Variants in CEP85L observed in about 807,000 individuals in gnomAD.
The protein encoded by CEP85L is centrosomal protein of 85 kDa-like.
In CEP85L, 60 loss-of-function variants were observed where a neutral mutation model predicts 100.3. That is an observed-to-expected ratio of 0.60 (90% CI 0.49 to 0.74). The LOEUF (loss-of-function observed/expected upper bound fraction) is 0.74, where lower values mean the gene tolerates loss of function less well. Ranked by LOEUF, CEP85L falls within the 30% of genes least tolerant of loss-of-function variation. The probability of loss-of-function intolerance (pLI) is 0.00; values close to 1 mark genes in which losing one functional copy is unlikely to be tolerated. For synonymous variants in CEP85L, 319 were observed against 322.7 expected, an observed-to-expected ratio of 0.99 and a Z score of 0.12; for missense variants, 973 against 936.2, an observed-to-expected ratio of 1.04 and a Z score of -0.51.
At chr6:118,553,957 G>C (rs1428267218) in intron 3 of CEP85L, among the ~76,000 whole-genome samples, 1 of 152,128 alleles carries the variant, frequency 6.6e-6, no homozygotes, top group African/African-American at 2.4e-5. Flanking sequence ...CTAACAAATT[G>C]TTATTAGAAC....
At chr6:118,614,818 G>C (rs1260750370) in intron 2 of CEP85L, among the ~76,000 whole-genome samples, 1 of 151,860 alleles carries the variant, frequency 6.6e-6, no homozygotes, top group Non-Finnish European at 1.5e-5. Context: ...TCCAGCCTGG[G>C]CAACAAGAAC....
At chr6:118,491,518 G>T in intron 6 of CEP85L, 168 bp downstream of exon 6, 1 of 1,364,522 alleles carries the variant, frequency 7.3e-7, no homozygotes, top group South Asian at 2.0e-5. Context: ...AAAATCCTTG[G>T]ATTTCTGCAG....
intron 1 of CEP85L, among the ~76,000 whole-genome samples, chr6:118,686,220 T>A (rs1776825395): frequency 6.6e-6 from 1 of 152,064 alleles, no homozygotes; most frequent in African/African-American, 2.4e-5. Flanking sequence ...AGAAACAACT[T>A]TATTGACGTA....
chr6:118,604,058 T>C (rs1388488694), intron 2 of CEP85L, among the ~76,000 whole-genome samples: 1 of 152,218 alleles, frequency 6.6e-6, no homozygotes, highest in African/African-American at 2.4e-5. Context: ...TATGCAAATA[T>C]AGTACAATGC....
At chr6:118,567,183 G>C (rs1159710430) in intron 2 of CEP85L, among the ~76,000 whole-genome samples, 1 of 147,506 alleles carries the variant, frequency 6.8e-6, no homozygotes, top group African/African-American at 2.5e-5. Flanking sequence ...ATATATGTGT[G>C]TACATATATG....
chr6:118,671,795 A>G (rs888519003), intron 1 of CEP85L, among the ~76,000 whole-genome samples: 10 of 152,062 alleles, frequency 6.6e-5, no homozygotes, highest in Non-Finnish European at 1.5e-4. Context: ...AAAATCAGTT[A>G]GGCATGGTGG....
chr6:118,705,462 A>G (rs1225316488), intron 1 of CEP85L, among the ~76,000 whole-genome samples: 1 of 152,228 alleles, frequency 6.6e-6, no homozygotes, highest in Non-Finnish European at 1.5e-5. Context: ...GGGCTCATTG[A>G]AGGGTGTTTG....
chr6:118,684,419 CA>C (rs1271254744), intron 1 of CEP85L, among the ~76,000 whole-genome samples: 3 of 152,122 alleles, frequency 2.0e-5, no homozygotes, highest in Admixed American at 6.5e-5. Context: ...ATGGCTTGAG[CA>C]ATCCTCCTAT....
chr6:118,547,101 A>G (rs572829441), intron 3 of CEP85L, among the ~76,000 whole-genome samples: 1 of 152,224 alleles, frequency 6.6e-6, no homozygotes, highest in Admixed American at 6.5e-5. Context: ...TCACTCTGTC[A>G]TAAGCATTTA....
chr6:118,498,635 AAAAGGGAGG>A (rs1268708303), intron 5 of CEP85L, among the ~76,000 whole-genome samples: 61 of 151,222 alleles, frequency 4.0e-4, no homozygotes, highest in South Asian at 2.1e-3. Context: ...AAGGAAAGGA[AAAAGGGAGG>A]AAAGGGAGGA....
chr6:118,648,583 T>C (rs1328977824), intron 1 of CEP85L, among the ~76,000 whole-genome samples: 2 of 151,260 alleles, frequency 1.3e-5, no homozygotes, highest in African/African-American at 2.4e-5. Context: ...CTACTAAAAA[T>C]ACAAAAAAAT....
Position 118,651,378 on chromosome 6 carries a change from C to A in CEP85L, c.-109G>T. The A allele has an allele frequency of 6.6e-6, 9 of 1,363,170 alleles. No homozygotes were observed. Among genetic ancestry groups the A allele is most frequent in the Non-Finnish European group, 8.5e-6 (9 of 1,059,870 alleles). 84.4% of individuals were successfully genotyped at this position (1,363,170 alleles called of 1,614,324 possible). ...GGAGCGTGGGCCTCGGCGACACGGG[C>A]AGGAGGAAAGGCGGGATGGCTGGTT... On this transcript the variant is annotated 5_prime_UTR_variant, in exon 1 of 13. Transcript: ENST00000368491.
intron 3 of CEP85L, among the ~76,000 whole-genome samples, chr6:118,531,432 C>T (rs1042385737): frequency 5.9e-5 from 9 of 152,042 alleles, no homozygotes; most frequent in African/African-American, 2.2e-4. Flanking sequence ...TAGGAAATAC[C>T]ATTGTGGACA....
intron 4 of CEP85L, among the ~76,000 whole-genome samples, chr6:118,516,640 A>G (rs967201082): frequency 1.3e-5 from 2 of 152,142 alleles, no homozygotes; most frequent in Admixed American, 6.5e-5. Context: ...TAGATTCTGG[A>G]TATCAGCCCT....
At chr6:118,648,183 G>A (rs1221983734) in intron 1 of CEP85L, among the ~76,000 whole-genome samples, 5 of 152,194 alleles carry the variant, frequency 3.3e-5, no homozygotes, top group Non-Finnish European at 7.3e-5. Context: ...GGAACCGGGA[G>A]GCGGAAGTTG....
chr6:118,704,195 C>T (rs924513924), intron 1 of CEP85L, among the ~76,000 whole-genome samples: 2 of 152,190 alleles, frequency 1.3e-5, no homozygotes, highest in African/African-American at 4.8e-5. Context: ...ATACCAAACT[C>T]TTTGGAGGAA....
intron 10 of CEP85L, 27 bp from the exon 11 acceptor site, chr6:118,470,671 C>A (rs1772884786): frequency 1.5e-6 from 2 of 1,323,612 alleles, no homozygotes; most frequent in African/African-American, 1.5e-5. Context: ...AATTGGAAAG[C>A]AAAACAGGTT....
intron 1 of CEP85L, among the ~76,000 whole-genome samples, chr6:118,683,994 T>C (rs1776749938): frequency 6.6e-6 from 1 of 152,236 alleles, no homozygotes; most frequent in African/African-American, 2.4e-5. Flanking sequence ...ATGTGTAACT[T>C]TTCAATGATA....
intron 3 of CEP85L, among the ~76,000 whole-genome samples, chr6:118,548,678 T>C (rs2114916770): frequency 6.6e-6 from 1 of 152,236 alleles, no homozygotes; most frequent in South Asian, 2.1e-4. Context: ...TTTTCAAATG[T>C]GAATTTCTGC....
Sources: allele counts gnomAD v4.1 joint callset (sites outside exome capture counted in the v4.1 genomes callset), GRCh38; gene constraint gnomAD v4.1.1; transcripts MANE v1.5; gene names NCBI Gene and HGNC (gene_info 2026-07-23, HGNC 2026-07-21).